The following CIMAP2 variants were observed in gnomAD, a reference collection of about 807,000 sequenced individuals.
CIMAP2 encodes the protein ciliary microtubule associated protein 2.
At chr1:54,839,688 CTTA>C in the CIMAP2 span, among the ~76,000 whole-genome samples, 2 of 151,144 alleles carry the variant, frequency 1.3e-5, no homozygotes, top group African/African-American at 2.4e-5. Flanking sequence ...TAAAGTTGAA[CTTA>C]TTATAGCATA....
At chr1:54,814,170 A>G in the CIMAP2 span, among the ~76,000 whole-genome samples, 3 of 152,224 alleles carry the variant, frequency 2.0e-5, no homozygotes, top group South Asian at 2.1e-4. Flanking sequence ...CCCCTGTCCT[A>G]TGAAGATGGT....
At chr1:54,809,023 C>T in the CIMAP2 span, among the ~76,000 whole-genome samples, 5 of 9,468 alleles carry the variant, frequency 5.3e-4, no homozygotes, top group South Asian at 0.018. Flanking sequence ...CGGACCACGT[C>T]TGCCTGGTTC....
the CIMAP2 span, among the ~76,000 whole-genome samples, chr1:54,810,377 G>T: frequency 6.6e-6 from 1 of 152,196 alleles, no homozygotes; most frequent in South Asian, 2.1e-4. Flanking sequence ...GTCTCCCCCA[G>T]TCACTGCCAG....
the CIMAP2 span, among the ~76,000 whole-genome samples, chr1:54,812,754 A>G: frequency 6.6e-5 from 10 of 152,194 alleles, no homozygotes; most frequent in Non-Finnish European, 1.0e-4. Context: ...TGTTGTCTCC[A>G]TTATGCATTC....
chr1:54,815,059 G>C, the CIMAP2 span: 1 of 1,613,196 alleles, frequency 6.2e-7, no homozygotes, highest in Non-Finnish European at 8.5e-7. Flanking sequence ...TCTGGGGTGA[G>C]GGATACATGG....
the CIMAP2 span, among the ~76,000 whole-genome samples, chr1:54,834,492 C>G: frequency 6.6e-6 from 1 of 152,214 alleles, no homozygotes; most frequent in South Asian, 2.1e-4. Flanking sequence ...AAACATATAG[C>G]AAAGTTGAAA....
the CIMAP2 span, chr1:54,817,024 G>A: frequency 6.2e-7 from 1 of 1,614,188 alleles, no homozygotes; most frequent in Non-Finnish European, 8.5e-7. Flanking sequence ...TCAACACCTG[G>A]CTGATGGAGA....
chr1:54,807,617 C>G, the CIMAP2 span: 1 of 1,610,528 alleles, frequency 6.2e-7, no homozygotes, highest in Non-Finnish European at 8.5e-7. Flanking sequence ...TGGGCCAAGG[C>G]CCAGGAAGCC....
At chr1:54,811,840 A>G in the CIMAP2 span, 1 of 1,607,002 alleles carries the variant, frequency 6.2e-7, no homozygotes, top group South Asian at 1.1e-5. Context: ...GGTAACCCAT[A>G]CACCAAGCTG....
At chr1:54,839,382 A>T in the CIMAP2 span, among the ~76,000 whole-genome samples, 1,690 of 36,218 alleles carry the variant, frequency 0.047, 9 homozygotes, top group Non-Finnish European at 0.066. Context: ...TTATTTATTT[A>T]TTTATTTTTC....
chr1:54,814,110 G>T, the CIMAP2 span: 1 of 1,145,786 alleles, frequency 8.7e-7, no homozygotes, highest in South Asian at 1.9e-5. Context: ...TTCCAATCCT[G>T]GTCTGGAACA....
At chr1:54,811,765 G>GCCGGGGGGGGGCCCCCCCCCCCCCCCCC in the CIMAP2 span, 3 of 1,301,328 alleles carry the variant, frequency 2.3e-6, no homozygotes, top group Non-Finnish European at 3.3e-6. Context: ...GGTTCTGACA[G>GCCGGGGGGGGGCCCCCCCCCCCCCCCCC]CCTCCATGCC....
chr1:54,811,743 A>T, the CIMAP2 span: 1 of 1,407,286 alleles, frequency 7.1e-7, no homozygotes, highest in Non-Finnish European at 9.9e-7. Context: ...AGGCACACTC[A>T]GCACAAGGAG....
At chr1:54,819,569 C>T in the CIMAP2 span, among the ~76,000 whole-genome samples, 1 of 152,154 alleles carries the variant, frequency 6.6e-6, no homozygotes, top group Non-Finnish European at 1.5e-5. Flanking sequence ...CAGAGTCTCA[C>T]TATGTTGCCA....
chr1:54,814,225 A>G, the CIMAP2 span, among the ~76,000 whole-genome samples: 1,488 of 152,232 alleles, frequency 9.8e-3, 21 homozygotes, highest in African/African-American at 0.034. Context: ...CTCGGAGCCT[A>G]CAGCATGGTG....
At chr1:54,840,342 T>C in the CIMAP2 span, among the ~76,000 whole-genome samples, 1 of 152,236 alleles carries the variant, frequency 6.6e-6, no homozygotes, top group Non-Finnish European at 1.5e-5. Flanking sequence ...CTGAGTTGGA[T>C]TGCGTTGTAT....
chr1:54,813,719 T>C, the CIMAP2 span: 115 of 1,354,688 alleles, frequency 8.5e-5, no homozygotes, highest in Non-Finnish European at 1.1e-4. Context: ...TAGTAAGTGA[T>C]GCCCCATTGC....
At chr1:54,816,374 C>T in the CIMAP2 span, among the ~76,000 whole-genome samples, 1 of 152,144 alleles carries the variant, frequency 6.6e-6, no homozygotes. Context: ...CTGCCCTTGC[C>T]GTGTTACCTT....
At chr1:54,822,164 C>T in the CIMAP2 span, among the ~76,000 whole-genome samples, 67 of 98,478 alleles carry the variant, frequency 6.8e-4, 8 homozygotes, top group African/African-American at 2.3e-3. Context: ...TCCCAAAGTG[C>T]TGGGATTACA....
Sources: allele counts gnomAD v4.1 joint callset (sites outside exome capture counted in the v4.1 genomes callset), GRCh38; gene constraint gnomAD v4.1.1; transcripts MANE v1.5; gene names NCBI Gene and HGNC (gene_info 2026-07-23, HGNC 2026-07-21).